Variants in GABBR2 observed in about 807,000 individuals in gnomAD.
The protein encoded by GABBR2 is G-protein coupled receptor 51.
In GABBR2, 23 loss-of-function variants were observed where a neutral mutation model predicts 105.6. The ratio of observed to expected loss-of-function variants is 0.22; its 90% CI spans 0.16 to 0.31. The LOEUF (loss-of-function observed/expected upper bound fraction) is 0.31. GABBR2 is among the 10% of genes least tolerant of loss of function. The probability of loss-of-function intolerance (pLI) is 1.00; values close to 1 mark genes in which losing one functional copy is unlikely to be tolerated. For missense variants in GABBR2, 734 were observed against 1,245.5 expected (o/e 0.59, Z 6.18); for synonymous variants, 478 against 499.7 (o/e 0.96, Z 0.58).
intron 1 of GABBR2, 149 bp downstream of exon 1, chr9:98,708,268 G>A: frequency 2.7e-6 from 2 of 753,550 alleles, no homozygotes; most frequent in East Asian, 3.3e-5. Context: ...GGACCGCGGG[G>A]GTGAACACTG....
chr9:98,642,433 T>C (rs1829976993), intron 1 of GABBR2, among the ~76,000 whole-genome samples: 1 of 152,308 alleles, frequency 6.6e-6, no homozygotes, highest in East Asian at 1.9e-4. Context: ...GTCCTAAGAA[T>C]CTTCTTGCAT....
chr9:98,464,419 G>A (rs547388242), intron 6 of GABBR2, among the ~76,000 whole-genome samples: 18 of 149,168 alleles, frequency 1.2e-4, no homozygotes, highest in African/African-American at 3.5e-4. Flanking sequence ...AGGAAGTGAG[G>A]AGCGCCTCTG....
intron 3 of GABBR2, among the ~76,000 whole-genome samples, chr9:98,527,781 T>TA (rs1195708442): frequency 6.6e-6 from 1 of 152,098 alleles, no homozygotes; most frequent in Non-Finnish European, 1.5e-5. Flanking sequence ...TTAAAGTAAC[T>TA]AAAATTCAAA....
intron 2 of GABBR2, among the ~76,000 whole-genome samples, chr9:98,566,828 A>G (rs2779522): frequency 0.9 from 128,384 of 142,884 alleles, 58,203 homozygotes; most frequent in Non-Finnish European, 0.96. Context: ...AAAAGGCGAC[A>G]AAGAAAAAGA....
intron 1 of GABBR2, among the ~76,000 whole-genome samples, chr9:98,670,224 C>T (rs1293029485): frequency 6.6e-6 from 1 of 151,742 alleles, no homozygotes; most frequent in Non-Finnish European, 1.5e-5. Flanking sequence ...TATATTCACA[C>T]ATATGCACAA....
intron 4 of GABBR2, among the ~76,000 whole-genome samples, chr9:98,488,798 A>C (rs1827115025): frequency 6.6e-6 from 1 of 152,120 alleles, no homozygotes; most frequent in South Asian, 2.1e-4. Context: ...GTGTGGGTGG[A>C]CACGAAGCTG....
chr9:98,596,961 G>A (rs918505296), intron 1 of GABBR2, among the ~76,000 whole-genome samples: 1 of 152,080 alleles, frequency 6.6e-6, no homozygotes, highest in Non-Finnish European at 1.5e-5. Flanking sequence ...CGACTACCTC[G>A]AAGCTTTGCA....
chr9:98,684,171 A>AAAAAAAAAT, intron 1 of GABBR2, among the ~76,000 whole-genome samples: 1 of 141,522 alleles, frequency 7.1e-6, no homozygotes, highest in Non-Finnish European at 1.5e-5. Flanking sequence ...TACCACGGTA[A>AAAAAAAAAT]AAAAAAAAAA....
chr9:98,501,029 T>A lies in GABBR2; in HGVS notation c.631-4515A>T, dbSNP rs905967373. Among the ~76,000 whole-genome samples the A allele has an allele frequency of 1.2e-4, 18 of 152,148 alleles. No individual in the cohort carries two copies. In the South Asian group the frequency reaches 1.2e-3, roughly 11 times the overall value. On this transcript the variant is annotated intron_variant, in intron 3 of 18. Transcript: ENST00000259455. ...ATGATTGATAATTGTGAGAAAAAAA[T>A]TTTAATGGCTTGGATATTTTCCCCT...
chr9:98,644,929 T>C (rs1830011804), intron 1 of GABBR2, among the ~76,000 whole-genome samples: 1 of 152,226 alleles, frequency 6.6e-6, no homozygotes, highest in South Asian at 2.1e-4. Context: ...CTCCTGTCCC[T>C]GCTACAAAGA....
intron 3 of GABBR2, among the ~76,000 whole-genome samples, chr9:98,523,556 C>T (rs543984917): frequency 6.6e-6 from 1 of 152,260 alleles, no homozygotes; most frequent in South Asian, 2.1e-4. Context: ...TAAGAGGAAC[C>T]CTCTCTGACC....
intron 7 of GABBR2, among the ~76,000 whole-genome samples, chr9:98,449,452 G>A (rs1015073351): frequency 7.2e-5 from 11 of 152,166 alleles, no homozygotes; most frequent in African/African-American, 2.7e-4. Flanking sequence ...CCACAAACGT[G>A]TGTGTGTGGC....
chr9:98,586,201 A>C (rs1393196235), intron 1 of GABBR2, among the ~76,000 whole-genome samples: 1 of 151,520 alleles, frequency 6.6e-6, no homozygotes, highest in African/African-American at 2.4e-5. Flanking sequence ...CTCTGCGCCC[A>C]CACCTGCACA....
At chr9:98,683,879 G>C (rs1830583187) in intron 1 of GABBR2, among the ~76,000 whole-genome samples, 1 of 151,400 alleles carries the variant, frequency 6.6e-6, no homozygotes, top group Admixed American at 6.6e-5. Flanking sequence ...GTGGTGGCGG[G>C]CGCCTGTAGT....
intron 7 of GABBR2, among the ~76,000 whole-genome samples, chr9:98,436,280 C>CATATATATATATATATATAT (rs56768409): frequency 5.6e-5 from 3 of 53,938 alleles, no homozygotes; most frequent in Non-Finnish European, 9.3e-5. Flanking sequence ...CAACAACAAC[C>CATATATATATATATATATAT]ATATATATAT....
At chr9:98,640,095 A>C (rs951314337) in intron 1 of GABBR2, among the ~76,000 whole-genome samples, 4 of 147,622 alleles carry the variant, frequency 2.7e-5, no homozygotes, top group African/African-American at 5.0e-5. Context: ...ATAGTTTTTA[A>C]AGTTTTGAGC....
chr9:98,687,111 C>T (rs750137279), intron 1 of GABBR2, among the ~76,000 whole-genome samples: 4 of 151,792 alleles, frequency 2.6e-5, no homozygotes, highest in Non-Finnish European at 5.9e-5. Flanking sequence ...GATCTAGACA[C>T]TAGTTAAAGC....
intron 1 of GABBR2, among the ~76,000 whole-genome samples, chr9:98,660,981 C>A (rs1041479739): frequency 7.9e-5 from 12 of 152,224 alleles, no homozygotes; most frequent in African/African-American, 2.7e-4. Flanking sequence ...TCTCAGCTCA[C>A]TGCAACCTCC....
intron 7 of GABBR2, among the ~76,000 whole-genome samples, chr9:98,415,869 C>G (rs1004707758): frequency 1.3e-5 from 2 of 152,186 alleles, no homozygotes; most frequent in Admixed American, 1.3e-4. Context: ...GCCATTCTCC[C>G]TCCTGTTTGC....
Sources: allele counts gnomAD v4.1 joint callset (sites outside exome capture counted in the v4.1 genomes callset), GRCh38; gene constraint gnomAD v4.1.1; transcripts MANE v1.5; gene names NCBI Gene and HGNC (gene_info 2026-07-23, HGNC 2026-07-21).